ABTB3: variants seen among roughly 807,000 people sequenced by gnomAD.
ABTB3 encodes ankyrin repeat and BTB domain containing 3, also known as ankyrin repeat- and BTB/POZ domain-containing protein 3.
At chr12:107,425,437 CTG>C in the ABTB3 span, among the ~76,000 whole-genome samples, 2 of 152,176 alleles carry the variant, frequency 1.3e-5, no homozygotes, top group Non-Finnish European at 2.9e-5. Flanking sequence ...TTGCACAAAA[CTG>C]TGAATGTACT....
the ABTB3 span, among the ~76,000 whole-genome samples, chr12:107,565,606 C>G: frequency 6.6e-6 from 1 of 152,180 alleles, no homozygotes; most frequent in East Asian, 1.9e-4. Flanking sequence ...GCCTGCACCC[C>G]TCCATCTCCT....
the ABTB3 span, among the ~76,000 whole-genome samples, chr12:107,396,064 T>A: frequency 6.6e-6 from 1 of 152,224 alleles, no homozygotes; most frequent in Non-Finnish European, 1.5e-5. Context: ...CCTCCTGGCC[T>A]AAGCCTGGGA....
At chr12:107,583,864 A>G in the ABTB3 span, among the ~76,000 whole-genome samples, 9 of 152,152 alleles carry the variant, frequency 5.9e-5, no homozygotes, top group African/African-American at 1.7e-4. Context: ...TTAATCATTT[A>G]TCTCTTCATT....
the ABTB3 span, chr12:107,635,515 C>A: frequency 1.4e-6 from 1 of 734,610 alleles, no homozygotes; most frequent in South Asian, 1.9e-5. Flanking sequence ...GTACAGGAGT[C>A]AGGCCGGGGG....
the ABTB3 span, among the ~76,000 whole-genome samples, chr12:107,478,335 A>T: frequency 3.3e-5 from 5 of 152,136 alleles, no homozygotes; most frequent in African/African-American, 1.2e-4. Flanking sequence ...GTTGGATCCA[A>T]CTCACTCAAG....
chr12:107,328,593 G>T, the ABTB3 span, among the ~76,000 whole-genome samples: 1 of 152,170 alleles, frequency 6.6e-6, no homozygotes, highest in Non-Finnish European at 1.5e-5. Context: ...ACTATTCCAG[G>T]ATTTCCACAC....
At chr12:107,393,904 T>C in the ABTB3 span, among the ~76,000 whole-genome samples, 1 of 152,058 alleles carries the variant, frequency 6.6e-6, no homozygotes, top group Admixed American at 6.6e-5. Flanking sequence ...CACTCCAGCC[T>C]GGGCAACAGA....
the ABTB3 span, among the ~76,000 whole-genome samples, chr12:107,420,967 G>A: frequency 5.3e-5 from 8 of 152,146 alleles, no homozygotes; most frequent in Non-Finnish European, 1.5e-5. Context: ...ACAAGCCTTG[G>A]TTCCAAATTT....
chr12:107,528,288 T>C, the ABTB3 span, among the ~76,000 whole-genome samples: 1 of 152,190 alleles, frequency 6.6e-6, no homozygotes, highest in Admixed American at 6.5e-5. Flanking sequence ...CTAATTTAAA[T>C]TGCAATATAT....
chr12:107,356,067 C>T, the ABTB3 span, among the ~76,000 whole-genome samples: 4 of 152,182 alleles, frequency 2.6e-5, no homozygotes, highest in Admixed American at 6.5e-5. Context: ...ACTACACCTT[C>T]AAATGAATAA....
the ABTB3 span, among the ~76,000 whole-genome samples, chr12:107,593,013 T>C: frequency 1.3e-5 from 2 of 152,338 alleles, no homozygotes; most frequent in Non-Finnish European, 2.9e-5. Flanking sequence ...AAAGAAGGGT[T>C]AAGTGATTCA....
the ABTB3 span, among the ~76,000 whole-genome samples, chr12:107,399,259 T>C: frequency 6.6e-6 from 1 of 151,760 alleles, no homozygotes. Flanking sequence ...TCTCCAAGAG[T>C]GATTCTTTTT....
the ABTB3 span, among the ~76,000 whole-genome samples, chr12:107,501,825 G>C: frequency 3.3e-5 from 5 of 152,160 alleles, no homozygotes; most frequent in African/African-American, 1.2e-4. Context: ...ACACCACGGA[G>C]CCCTGAATCA....
At chr12:107,520,670 T>A in the ABTB3 span, 1 of 1,610,910 alleles carries the variant, frequency 6.2e-7, no homozygotes, top group East Asian at 2.2e-5. Flanking sequence ...CTCTCATGCC[T>A]CAAGACATAT....
At chr12:107,325,920 A>G in the ABTB3 span, among the ~76,000 whole-genome samples, 1 of 152,192 alleles carries the variant, frequency 6.6e-6, no homozygotes, top group Admixed American at 6.5e-5. Flanking sequence ...TATTATTATT[A>G]TTGAGATGGA....
the ABTB3 span, among the ~76,000 whole-genome samples, chr12:107,551,700 G>A: frequency 6.6e-6 from 1 of 151,936 alleles, no homozygotes; most frequent in South Asian, 2.1e-4. Context: ...GCTGAAAATA[G>A]TATTTGGCCC....
At chr12:107,600,571 G>T in the ABTB3 span, among the ~76,000 whole-genome samples, 3 of 152,174 alleles carry the variant, frequency 2.0e-5, no homozygotes, top group Non-Finnish European at 2.9e-5. Flanking sequence ...GAACGGGGCT[G>T]CATCCTCTCA....
the ABTB3 span, among the ~76,000 whole-genome samples, chr12:107,437,715 C>T: frequency 6.6e-6 from 1 of 152,074 alleles, no homozygotes; most frequent in Non-Finnish European, 1.5e-5. Context: ...GCCATCATGC[C>T]CAGCCTGCTT....
chr12:107,528,048 G>A, the ABTB3 span, among the ~76,000 whole-genome samples: 1 of 152,156 alleles, frequency 6.6e-6, no homozygotes, highest in African/African-American at 2.4e-5. Flanking sequence ...AGCTGGCCAT[G>A]GATGGAAGGA....
Sources: gnomAD v4.1 joint callset for allele counts (sites outside exome capture counted in the v4.1 genomes callset) on GRCh38, gnomAD v4.1.1 for gene constraint, MANE v1.5 for transcripts, NCBI Gene and HGNC (gene_info 2026-07-23, HGNC 2026-07-21) for gene names.